The following FGF23 variants were observed in gnomAD, a reference collection of about 807,000 sequenced individuals.
FGF23 encodes fibroblast growth factor 23.
Under a neutral mutation model 9.0 loss-of-function variants are expected in FGF23, and 8 were observed. That is an observed-to-expected ratio of 0.89 (90% CI 0.52 to 1.60). FGF23 has a LOEUF of 1.60. Ranked by LOEUF, FGF23 falls within the 40% of genes most tolerant of loss-of-function variation. The pLI is 0.00. For synonymous variants in FGF23, 118 were observed against 146.2 expected, an observed-to-expected ratio of 0.81 and a Z score of 1.39; for missense variants, 311 against 344.3, an observed-to-expected ratio of 0.90 and a Z score of 0.77.
chr12:4,378,722 TTGGA>T (rs60445368), intron 1 of FGF23, among the ~76,000 whole-genome samples: 27,693 of 148,116 alleles, frequency 0.19, 3,040 homozygotes, highest in African/African-American at 0.3. Flanking sequence ...ATTAAACCTG[TTGGA>T]TGGATGGATG....
chr12:4,378,488 G>A (rs991657227), intron 1 of FGF23, among the ~76,000 whole-genome samples: 61 of 152,136 alleles, frequency 4.0e-4, no homozygotes, highest in African/African-American at 1.4e-3. Context: ...TTATATAGGT[G>A]CACACAAAGG....
chr12:4,370,253 T>C lies in FGF23; in HGVS notation c.*90A>G. The C allele has an allele frequency of 7.6e-7, 1 of 1,323,988 alleles. No homozygotes were observed. Among genetic ancestry groups the C allele is most frequent in the Non-Finnish European group, 1.1e-6 (1 of 929,542 alleles). 82.0% of individuals were successfully genotyped at this position (1,323,988 alleles called of 1,614,324 possible). ...AATTCCATACATGCCCCTGTCACCTTTCCCATCCTCGGAACGTCAAGGGAC... is the reference window on the plus strand; with the variant it reads ...AATTCCATACATGCCCCTGTCACCTCTCCCATCCTCGGAACGTCAAGGGAC... On this transcript the variant is annotated 3_prime_UTR_variant, in exon 3 of 3. Coordinates refer to ENST00000237837, the MANE Select transcript of FGF23 (RefSeq NM_020638.3).
chr12:4,371,970 TA>T (rs1169963842), intron 2 of FGF23, among the ~76,000 whole-genome samples: 1 of 151,682 alleles, frequency 6.6e-6, no homozygotes, highest in East Asian at 1.9e-4. Context: ...ATGTGGCACA[TA>T]TACACCATGG....
chr12:4,376,432 A>G (rs1163809856), intron 1 of FGF23, among the ~76,000 whole-genome samples: 1 of 152,240 alleles, frequency 6.6e-6, no homozygotes, highest in Non-Finnish European at 1.5e-5. Flanking sequence ...ATTGCTTAAC[A>G]GTCACTGATG....
Position 4,374,072 on chromosome 12 carries a change from G to C in FGF23, c.212-1375C>G, listed in dbSNP as rs568990134. ...AAGCAGCAATAATTAGGTACTAGCTGAGTAGAAATCATGATAGGGACTGAA... is the reference window on the plus strand; with the variant it reads ...AAGCAGCAATAATTAGGTACTAGCTCAGTAGAAATCATGATAGGGACTGAA... On this transcript the variant is annotated intron_variant, in intron 1 of 2. Coordinates refer to ENST00000237837, the MANE Select transcript of FGF23 (RefSeq NM_020638.3). Among the ~76,000 whole-genome samples, 7 of 152,314 alleles carry C rather than the reference G, an allele frequency of 4.6e-5. No individual in the cohort carries two copies. The South Asian group carries it at 1.4e-3, about 32-fold the overall frequency.
At position 4,369,121 on chromosome 12, in the gene FGF23, T is replaced by C. The variant is rs1865033555; in HGVS notation, c.*1222A>G. ...ATTTCCAAGGGGATTGAGACCCAGA[T>C]GTGTCAGCCTAGGAGAGTTTTAACT... On this transcript the variant is annotated 3_prime_UTR_variant, in exon 3 of 3. Coordinates refer to ENST00000237837, the MANE Select transcript of FGF23 (RefSeq NM_020638.3). 4.3e-6 allele frequency: 1 copy of C among 230,436 alleles called. No homozygotes were observed. The highest frequency in any genetic ancestry group is 5.7e-5 in the Admixed American group (1 of 17,676). 14.3% of individuals were successfully genotyped at this position (230,436 alleles called of 1,614,324 possible).
Position 4,368,480 on chromosome 12 carries a change from A to T in FGF23, c.*1863T>A, listed in dbSNP as rs1376936795. ...CTGAGATAAATTTTATTTTTATTTTAAACAGAAGAAAGGAAAAAGGGGTTA... is the reference window on the plus strand; with the variant it reads ...CTGAGATAAATTTTATTTTTATTTTTAACAGAAGAAAGGAAAAAGGGGTTA... On this transcript the variant is annotated 3_prime_UTR_variant, in exon 3 of 3. Transcript: ENST00000237837. 3.8e-5 allele frequency: 7 copies of T among 182,960 alleles called. No homozygotes were observed. Among genetic ancestry groups the T allele is most frequent in the Non-Finnish European group, 8.1e-5 (7 of 86,114 alleles). The allele number at this position is 182,960 out of a possible 1,614,324, so 11.3% of individuals were successfully genotyped here. A position where few individuals can be genotyped will look rare whatever the true frequency, so the allele number is the denominator to read the frequency against.
intron 1 of FGF23, among the ~76,000 whole-genome samples, chr12:4,374,677 GT>G (rs879587228): frequency 2.0e-5 from 3 of 151,488 alleles, no homozygotes; most frequent in Non-Finnish European, 4.4e-5. Flanking sequence ...AATGGTTTCT[GT>G]TCTGGTGACT....
intron 2 of FGF23, among the ~76,000 whole-genome samples, chr12:4,371,298 ATTTC>A (rs1384344652): frequency 3.3e-5 from 5 of 152,162 alleles, no homozygotes; most frequent in Non-Finnish European, 5.9e-5. Context: ...TTTGCCTGTT[ATTTC>A]TTTTAATCCT....
Position 4,370,602 on chromosome 12 carries a change from A to C in FGF23, c.497T>G (p.Leu166Arg), listed in dbSNP as rs2120730041. The part of the protein sequence containing the change: ...QFLSRRNEIP[L>R]IHFNTPIPRR... ...TGGTATGGGGGTGTTGAAGTGAATT[A>C]GGGGGATCTCGTTCCTCCGGGACAG... The change falls in exon 3 of 3, where the codon CTA (leucine) becomes CGA (arginine). Residue 166 changes from leucine (L) to arginine (R), a missense_variant. Transcript: ENST00000237837. 6.2e-7 allele frequency: 1 copy of C among 1,613,880 alleles called. No individual in the cohort carries two copies.
At chr12:4,373,232 C>A (rs1240975911) in intron 1 of FGF23, among the ~76,000 whole-genome samples, 1 of 152,200 alleles carries the variant, frequency 6.6e-6, no homozygotes, top group Non-Finnish European at 1.5e-5. Flanking sequence ...CCTCTTCCTT[C>A]TCTACTTATT....
chr12:4,372,602 A>C lies in FGF23; in HGVS notation c.307T>G (p.Phe103Val). Reference protein sequence around the residue: ...YLCMDFRGNIFGSHYFDPENC... With the variant: ...YLCMDFRGNIVGSHYFDPENC... The stretch of plus-strand genomic sequence containing the variant: ...ACAAAAAAGAAACTCACTGATCCAA[A>C]AATGTTGCCTCTGAAATCCATGCAG... The change falls in exon 2 of 3, where the codon TTT becomes GTT. Residue 103 changes from phenylalanine to valine, a missense_variant. This residue lies in a region of FGF23 where 206 missense variants were observed against 219.2 expected (regional missense o/e 0.94). Coordinates refer to ENST00000237837, the MANE Select transcript of FGF23 (RefSeq NM_020638.3). 1 of 1,604,970 alleles carries C rather than the reference A, an allele frequency of 6.2e-7. No individual in the cohort carries two copies. The highest frequency in any genetic ancestry group is 8.5e-7 in the Non-Finnish European group (1 of 1,171,658).
At position 4,370,800 on chromosome 12, in the gene FGF23, G is replaced by A. The variant is rs377415274; in HGVS notation, c.316-17C>T. Reference sequence around the variant, plus strand: ...GAAATAGTGCTGGAAGGACAAGAGCGAACCACGTGAAGGCTGGCAGTGGGG... The same window carrying A: ...GAAATAGTGCTGGAAGGACAAGAGCAAACCACGTGAAGGCTGGCAGTGGGG... On this transcript the variant is annotated splice_polypyrimidine_tract_variant and intron_variant, in intron 2 of 2. Coordinates refer to ENST00000237837, the MANE Select transcript of FGF23 (RefSeq NM_020638.3). The A allele has an allele frequency of 3.1e-5, 50 of 1,612,176 alleles. No individual in the cohort carries two copies. In the South Asian group the frequency reaches 3.8e-4, roughly 12 times the overall value.
rs369035509 is a variant in FGF23, at chr12:4,370,445, C to G, written c.654G>C (p.Pro218=). 1.7e-5 allele frequency: 28 copies of G among 1,613,504 alleles called. No homozygotes were observed. Among genetic ancestry groups the G allele is most frequent in the Non-Finnish European group, 2.3e-5 (27 of 1,179,724 alleles). Residue 218 remains proline (P), a synonymous_variant, in exon 3 of 3, where the codon CCG becomes CCC. Coordinates refer to ENST00000237837, the MANE Select transcript of FGF23 (RefSeq NM_020638.3). ...QELPSAEDNS[P]MASDPLGVVR... ...CCACCCCTAATGGGTCACTGGCCAT[C>G]GGGCTGTTGTCCTCGGCGCTCGGGA...
Position 4,370,724 on chromosome 12 carries a change from G to T in FGF23, c.375C>A (p.Asp125Glu), listed in dbSNP as rs773964366. ...AGTGATACTGAGGAGAGTGGTAGAC[G>T]TCGTACCCGTTTTCCAGCGTCTGGT... ...FQHQTLENGY[D>E]VYHSPQYHFL... The change falls in exon 3 of 3, where the codon GAC becomes GAA. Residue 125 changes from aspartate to glutamate, a missense_variant. Physicochemically the swap from Asp to Glu is conservative, Grantham distance 45. This residue lies in a region of FGF23 where 206 missense variants were observed against 219.2 expected (regional missense o/e 0.94). Coordinates refer to ENST00000237837, the MANE Select transcript of FGF23 (RefSeq NM_020638.3). The T allele has an allele frequency of 1.2e-6, 2 of 1,614,136 alleles. No individual in the cohort carries two copies. The highest frequency in any genetic ancestry group is 2.2e-5 in the East Asian group (1 of 44,872).
intron 2 of FGF23, 87 bp from the exon 3 acceptor site, chr12:4,370,870 C>T (rs549626395): frequency 8.9e-7 from 1 of 1,127,412 alleles, no homozygotes; most frequent in East Asian, 2.3e-5. Context: ...ATGCTTGTGC[C>T]AGCCGGCCTG....
chr12:4,369,955 C>T lies in FGF23; in HGVS notation c.*388G>A, dbSNP rs13312795. ...TTCCCTACACCTTCAAAGTCTTGAG[C>T]TCAGGAACCCACTGCTTTTTTTTTT... On this transcript the variant is annotated 3_prime_UTR_variant, in exon 3 of 3. Coordinates refer to ENST00000237837, the MANE Select transcript of FGF23 (RefSeq NM_020638.3). 4.5e-3 allele frequency: 974 copies of T among 215,982 alleles called. 17 individuals are homozygous for T. Among genetic ancestry groups the T allele is most frequent in the African/African-American group, 0.024 (910 of 38,344 alleles). 13.4% of individuals were successfully genotyped at this position (215,982 alleles called of 1,614,324 possible). A position where few individuals can be genotyped will look rare whatever the true frequency, so the allele number is the denominator to read the frequency against.
At chr12:4,378,147 G>A (rs868234871) in intron 1 of FGF23, among the ~76,000 whole-genome samples, 7 of 152,008 alleles carry the variant, frequency 4.6e-5, no homozygotes, top group Admixed American at 1.3e-4. Flanking sequence ...TGTCAATTTC[G>A]CATGTTATAT....
chr12:4,372,837 C>A, intron 1 of FGF23, 140 bp from the exon 2 acceptor site: 1 of 715,046 alleles, frequency 1.4e-6, no homozygotes, highest in East Asian at 2.6e-5. Flanking sequence ...TAAATTCAGC[C>A]TCATTTCTGC....
Sources: allele counts gnomAD v4.1 joint callset (sites outside exome capture counted in the v4.1 genomes callset), GRCh38; gene constraint gnomAD v4.1.1; regional missense constraint gnomAD v4.1.1; transcripts MANE v1.5; gene names NCBI Gene and HGNC (gene_info 2026-07-23, HGNC 2026-07-21).